CDH22: variants seen among roughly 807,000 people sequenced by gnomAD.
The protein encoded by CDH22 is cadherin-22.
A neutral mutation model predicts 58.4 loss-of-function variants in CDH22; 30 were observed. The observed-to-expected ratio is 0.51, with a 90% CI of 0.38 to 0.70. The LOEUF (loss-of-function observed/expected upper bound fraction) is 0.70. Among genes scored for constraint, CDH22 ranks in the 30% least tolerant of loss-of-function variants. The pLI is 0.00. For missense variants in CDH22, 1,014 were observed against 1,233.9 expected, an observed-to-expected ratio of 0.82 and a Z score of 2.67; for synonymous variants, 513 against 558.2, an observed-to-expected ratio of 0.92 and a Z score of 1.14.
At chr20:46,258,099 G>T (rs1026979645) in intron 1 of CDH22, among the ~76,000 whole-genome samples, 3 of 152,186 alleles carry the variant, frequency 2.0e-5, no homozygotes, top group Admixed American at 6.5e-5. Flanking sequence ...GTCAGATGTG[G>T]ACTTTGACTT....
At chr20:46,233,623 C>T (rs1249270852) in intron 3 of CDH22, among the ~76,000 whole-genome samples, 2 of 152,182 alleles carry the variant, frequency 1.3e-5, no homozygotes, top group African/African-American at 4.8e-5. Flanking sequence ...GCCATGTGGC[C>T]ACAGGGCCTG....
In CDH22 at chr20:46,178,318, T is replaced by C. The variant is rs998533238; in HGVS notation, c.1664-121A>G. The stretch of plus-strand genomic sequence containing the variant: ...TATGCCCCAAACTACAGCCTCCCAA[T>C]GGACTCATGGGTCTCTTCTCTGATC... On this transcript the variant is annotated intron_variant, in intron 10 of 11. Coordinates refer to ENST00000537909, the MANE Select transcript of CDH22 (RefSeq NM_021248.3). The C allele has an allele frequency of 5.6e-6, 6 of 1,062,162 alleles. No individual in the cohort carries two copies. In the African/African-American group the frequency reaches 9.4e-5, roughly 17 times the overall value. 65.8% of individuals were successfully genotyped at this position (1,062,162 alleles called of 1,614,324 possible).
chr20:46,257,031 G>A (rs968110439), intron 1 of CDH22, among the ~76,000 whole-genome samples: 24 of 149,768 alleles, frequency 1.6e-4, no homozygotes, highest in African/African-American at 5.4e-4. Context: ...AAAAAGGCCA[G>A]GCATGGTGGC....
chr20:46,249,862 C>T (rs1347292072), intron 2 of CDH22, among the ~76,000 whole-genome samples: 1 of 152,200 alleles, frequency 6.6e-6, no homozygotes, highest in Non-Finnish European at 1.5e-5. Context: ...GTCCTCTTTC[C>T]CACCAGCCTG....
chr20:46,250,285 G>A (rs1365148451), intron 2 of CDH22, among the ~76,000 whole-genome samples: 2 of 152,180 alleles, frequency 1.3e-5, no homozygotes. Context: ...TTCGCGGCGA[G>A]CAAAACAAAC....
intron 4 of CDH22, among the ~76,000 whole-genome samples, chr20:46,223,602 T>G (rs1324911675): frequency 2.0e-5 from 3 of 151,902 alleles, no homozygotes; most frequent in Admixed American, 6.5e-5. Flanking sequence ...AGGCCTGTTG[T>G]GATTTCTTTC....
intron 11 of CDH22, among the ~76,000 whole-genome samples, chr20:46,177,379 G>C (rs2085748641): frequency 6.6e-6 from 1 of 152,138 alleles, no homozygotes; most frequent in Non-Finnish European, 1.5e-5. Context: ...CTAGTGGCCT[G>C]GTACCAGTGT....
intron 1 of CDH22, among the ~76,000 whole-genome samples, chr20:46,271,124 T>TAC (rs893618921): frequency 2.8e-4 from 43 of 152,236 alleles, no homozygotes; most frequent in African/African-American, 1.0e-3. Flanking sequence ...GTGGAGGCTG[T>TAC]ACCACCTGCT....
In CDH22 at chr20:46,271,069, G is replaced by A. The variant is rs1255735239; in HGVS notation, c.-399-19376C>T. Reference sequence around the variant, plus strand: ...ATTATTATTCCCCACAGGCAAGAGTGGAGCAGTCATGAGAGTGGAAGATAA... The same window carrying A: ...ATTATTATTCCCCACAGGCAAGAGTAGAGCAGTCATGAGAGTGGAAGATAA... On this transcript the variant is annotated intron_variant, in intron 1 of 11. Coordinates refer to ENST00000537909, the MANE Select transcript of CDH22 (RefSeq NM_021248.3). Among the ~76,000 whole-genome samples the A allele has an allele frequency of 2.0e-5, 3 of 152,230 alleles. No individual in the cohort carries two copies. In the East Asian group the frequency reaches 5.8e-4, roughly 29 times the overall value.
intron 1 of CDH22, among the ~76,000 whole-genome samples, chr20:46,254,929 TGGG>T (rs2086399155): frequency 1.3e-5 from 2 of 152,170 alleles, no homozygotes; most frequent in Non-Finnish European, 2.9e-5. Context: ...ATGTGGAATT[TGGG>T]GTGTTGGGGA....
rs746880569 is a variant in CDH22 at position 46,251,158 on chromosome 20, G to T, written c.137C>A (p.Ala46Glu). Reference sequence around the variant, plus strand: ...CGCGCCGTCCTGCCGAGCTCCGGGCGCCGACGGCGAGGGTGTGCCCGCTGC... The same window carrying T: ...CGCGCCGTCCTGCCGAGCTCCGGGCTCCGACGGCGAGGGTGTGCCCGCTGC... The part of the protein sequence containing the change: ...LWAAGTPSPS[A>E]PGARQDGALG... The change falls in exon 2 of 12, where the codon GCG becomes GAG. Residue 46 changes from alanine (A) to glutamate (E), a missense_variant. Ala to Glu is a moderately radical substitution (Grantham distance 107, BLOSUM62 -1). Around this residue, in one of 2 missense-constraint regions of CDH22, gnomAD observed 806 missense variants for 1,038.7 expected, o/e 0.78. Transcript: ENST00000537909. This position sits in a 1 kb window ranked among gnomAD's most constrained non-coding sequence, Gnocchi z 6.7. The T allele has an allele frequency of 1.9e-6, 3 of 1,589,474 alleles. No homozygotes were observed. The highest frequency in any genetic ancestry group is 2.6e-6 in the Non-Finnish European group (3 of 1,169,094).
At chr20:46,214,623 A>G (rs1471642347) in intron 5 of CDH22, among the ~76,000 whole-genome samples, 1 of 152,064 alleles carries the variant, frequency 6.6e-6, no homozygotes, top group Middle Eastern at 3.4e-3. Flanking sequence ...AGTTCTTGTG[A>G]TTCTGCAACT....
Position 46,174,904 on chromosome 20 carries a change from G to C in CDH22, c.2089C>G (p.Leu697Val). 1.3e-6 allele frequency: 2 copies of C among 1,493,536 alleles called. No individual in the cohort carries two copies. Among genetic ancestry groups the C allele is most frequent in the Non-Finnish European group, 8.9e-7 (1 of 1,123,080 alleles). 92.5% of individuals were successfully genotyped at this position (1,493,536 alleles called of 1,614,324 possible). The change falls in exon 12 of 12, where the codon CTC becomes GTC. Residue 697 changes from leucine to valine, a missense_variant. Leu to Val is a conservative substitution (Grantham distance 32). Transcript: ENST00000537909. The surrounding 1 kb of genome is among the most constrained non-coding windows in gnomAD (Gnocchi z 4.4). The part of the protein sequence containing the change: ...ALRSLYDFGE[L>V]KGGDGGGSAG... ...CTGCCGCCCCCGTCGCCGCCCTTGA[G>C]CTCGCCGAAGTCGTAGAGGCTCCGC...
At chr20:46,234,692 T>C (rs1866212331) in intron 3 of CDH22, among the ~76,000 whole-genome samples, 1 of 152,232 alleles carries the variant, frequency 6.6e-6, no homozygotes. Context: ...TTCTCCTTCC[T>C]TTGCCCATGG....
intron 1 of CDH22, among the ~76,000 whole-genome samples, chr20:46,270,042 G>C (rs1280073859): frequency 6.6e-6 from 1 of 152,204 alleles, no homozygotes; most frequent in Admixed American, 6.5e-5. Context: ...ATCCTTGAAG[G>C]ATAAGTAGGG....
intron 1 of CDH22, among the ~76,000 whole-genome samples, chr20:46,307,903 G>T (rs538282421): frequency 5.3e-5 from 8 of 152,040 alleles, no homozygotes; most frequent in Middle Eastern, 3.4e-3. Flanking sequence ...TGGCGCGCCG[G>T]CTCGGCCCCT....
chr20:46,298,015 G>A (rs1044145106), intron 1 of CDH22, among the ~76,000 whole-genome samples: 5 of 151,870 alleles, frequency 3.3e-5, no homozygotes, highest in African/African-American at 4.8e-5. Context: ...CTCCACAAAT[G>A]TCCCACTCTG....
In CDH22 at chr20:46,210,325, G is replaced by A; in HGVS notation, c.1268C>T (p.Ala423Val). The A allele has an allele frequency of 6.9e-7, 1 of 1,451,988 alleles. No homozygotes were observed. Among genetic ancestry groups the A allele is most frequent in the Non-Finnish European group, 9.0e-7 (1 of 1,107,366 alleles). 89.9% of individuals were successfully genotyped at this position (1,451,988 alleles called of 1,614,324 possible). ...GTCTCACCGGACGGGCCGGTTGGCGGCGTCGGGGTCCCGCGCCGTCACCAC... is the reference window on the plus strand; with the variant it reads ...GTCTCACCGGACGGGCCGGTTGGCGACGTCGGGGTCCCGCGCCGTCACCAC... ...VGVVTARDPD[A>V]ANRPVRYAID... The change falls in exon 7 of 12, where the codon GCC becomes GTC. Residue 423 changes from alanine to valine, a missense_variant. Transcript: ENST00000537909. This position sits in a 1 kb window ranked among gnomAD's most constrained non-coding sequence, Gnocchi z 4.5.
chr20:46,216,038 G>C lies in CDH22; in HGVS notation c.838+788C>G, dbSNP rs2086082767. On this transcript the variant is annotated intron_variant, in intron 5 of 11. Coordinates refer to ENST00000537909, the MANE Select transcript of CDH22 (RefSeq NM_021248.3). This position sits in a 1 kb window ranked among gnomAD's most constrained non-coding sequence, Gnocchi z 5.3. ...GGATTCCCTTATCTCTCGGGGGTCA[G>C]TCCCCTGTGGCGGGGCCTAATGTGA... Among the ~76,000 whole-genome samples the C allele has an allele frequency of 6.6e-6, 1 of 151,744 alleles. No homozygotes were observed. Among genetic ancestry groups the C allele is most frequent in the Non-Finnish European group, 1.5e-5 (1 of 67,892 alleles).
Sources: allele counts gnomAD v4.1 joint callset (sites outside exome capture counted in the v4.1 genomes callset), GRCh38; gene constraint gnomAD v4.1.1; regional missense constraint gnomAD v4.1.1; non-coding constraint Gnocchi (gnomAD v3.1); transcripts MANE v1.5; gene names NCBI Gene and HGNC (gene_info 2026-07-23, HGNC 2026-07-21).